The following ROBO1 variants were observed in gnomAD, a reference collection of about 807,000 sequenced individuals.
ROBO1 encodes roundabout homolog 1.
In ROBO1, 149 loss-of-function variants were observed where a neutral mutation model predicts 195.9. That is an observed-to-expected ratio of 0.76 (90% CI 0.67 to 0.87). The LOEUF is 0.87. Among genes scored for constraint, ROBO1 ranks in the 40% least tolerant of loss-of-function variants. The probability of loss-of-function intolerance (pLI) is 0.00; values close to 1 mark genes in which losing one functional copy is unlikely to be tolerated. For missense variants in ROBO1, 1,933 were observed against 2,068.3 expected, an observed-to-expected ratio of 0.93 and a Z score of 1.27; for synonymous variants, 816 against 733.2, an observed-to-expected ratio of 1.11 and a Z score of -1.82.
intron 2 of ROBO1, among the ~76,000 whole-genome samples, chr3:79,231,741 T>C (rs907051114): frequency 3.3e-5 from 5 of 152,188 alleles, no homozygotes; most frequent in African/African-American, 1.2e-4. Context: ...TAAATTATTC[T>C]ATTATAAAGA....
At chr3:79,535,873 C>G (rs565535658) in intron 2 of ROBO1, among the ~76,000 whole-genome samples, 5 of 152,078 alleles carry the variant, frequency 3.3e-5, no homozygotes, top group African/African-American at 1.2e-4. Flanking sequence ...TGAGGATTTT[C>G]TTCAAGAGGT....
chr3:79,259,473 A>G (rs932147168), intron 2 of ROBO1, among the ~76,000 whole-genome samples: 1 of 152,024 alleles, frequency 6.6e-6, no homozygotes, highest in African/African-American at 2.4e-5. Flanking sequence ...TAAAATGTAC[A>G]ATTAAGTTAT....
intron 4 of ROBO1, among the ~76,000 whole-genome samples, chr3:78,886,266 A>G (rs2036565866): frequency 6.6e-6 from 1 of 152,084 alleles, no homozygotes; most frequent in Non-Finnish European, 1.5e-5. Flanking sequence ...TCAATTTCAT[A>G]TATCGCCAAC....
rs1453948886 is a variant in ROBO1 at position 79,589,846 on chromosome 3, C to G, written c.66G>C (p.Leu22=). Residue 22 remains leucine (L), a synonymous_variant, in exon 2 of 31, where the codon CTG becomes CTC. Coordinates refer to ENST00000464233, the MANE Select transcript of ROBO1 (RefSeq NM_002941.4). ...ISLLSLSPNH[L]FLAQLIPDPE... ...TACCTGGAATAAGCTGGGCCAGAAA[C>G]AGGTGATTTGGGGATAAGCTGAGGA... The G allele has an allele frequency of 1.2e-6, 2 of 1,610,826 alleles. No individual in the cohort carries two copies. The highest frequency in any genetic ancestry group is 1.7e-4 in the Middle Eastern group (1 of 6,046).
At chr3:79,098,685 G>A (rs1000265188) in intron 3 of ROBO1, among the ~76,000 whole-genome samples, 1 of 151,830 alleles carries the variant, frequency 6.6e-6, no homozygotes, top group Admixed American at 6.6e-5. Flanking sequence ...GTTTCACATA[G>A]TTGTTAATAC....
At chr3:78,732,751 A>G (rs1364848110) in intron 5 of ROBO1, among the ~76,000 whole-genome samples, 1 of 152,120 alleles carries the variant, frequency 6.6e-6, no homozygotes, top group African/African-American at 2.4e-5. Flanking sequence ...TATCCACTCA[A>G]AGAGACAAAT....
rs548476115 is a variant in ROBO1, at chr3:78,640,491, G to T, written c.2883-593C>A. On this transcript the variant is annotated intron_variant, in intron 21 of 30. Coordinates refer to ENST00000464233, the MANE Select transcript of ROBO1 (RefSeq NM_002941.4). ...GTAAGCTTGTCAACATTTTCTGATGGTGACAATGTAAAATGTCATAAATCC... is the reference window on the plus strand; with the variant it reads ...GTAAGCTTGTCAACATTTTCTGATGTTGACAATGTAAAATGTCATAAATCC... 2.6e-5 allele frequency among the ~76,000 whole-genome samples: 4 copies of T among 152,288 alleles called. No homozygotes were observed. The East Asian group carries it at 7.7e-4, about 29-fold the overall frequency.
At chr3:78,731,277 G>A (rs1040231410) in intron 5 of ROBO1, among the ~76,000 whole-genome samples, 10 of 151,970 alleles carry the variant, frequency 6.6e-5, no homozygotes, top group African/African-American at 1.4e-4. Flanking sequence ...TCTAACCTAC[G>A]TCTAGGATAT....
intron 3 of ROBO1, chr3:79,018,850 G>C: frequency 9.9e-7 from 1 of 1,005,898 alleles, no homozygotes; most frequent in Non-Finnish European, 1.2e-6. Flanking sequence ...GCGAGGGCAG[G>C]CGCGGCGGCG....
chr3:78,952,838 T>C (rs1189052189), intron 3 of ROBO1, among the ~76,000 whole-genome samples: 1 of 152,034 alleles, frequency 6.6e-6, no homozygotes, highest in African/African-American at 2.4e-5. Context: ...GTCTCTTGAT[T>C]ATAAACTTCT....
At chr3:79,406,538 G>A (rs1186648413) in intron 2 of ROBO1, among the ~76,000 whole-genome samples, 2 of 151,960 alleles carry the variant, frequency 1.3e-5, no homozygotes, top group African/African-American at 2.4e-5. Flanking sequence ...GTTTTGTCAA[G>A]CCTATAGGGA....
chr3:79,685,982 T>C lies in ROBO1; in HGVS notation c.-51+81770A>G, dbSNP rs530463554. ...AATGCAAAAATCCTCAATAAAATAC[T>C]GGCAAACTGAATCCAGCAGCACATC... is the stretch of plus-strand genomic sequence containing the variant. On this transcript the variant is annotated intron_variant, in intron 1 of 30. Transcript: ENST00000464233. Among the ~76,000 whole-genome samples the C allele has an allele frequency of 7.2e-5, 11 of 152,272 alleles. No individual in the cohort carries two copies. In the East Asian group the frequency reaches 2.1e-3, roughly 29 times the overall value.
intron 2 of ROBO1, among the ~76,000 whole-genome samples, chr3:79,303,184 G>A (rs1452601796): frequency 4.5e-5 from 1 of 22,324 alleles, no homozygotes; most frequent in East Asian, 1.3e-3. Context: ...TTTTTTTTTT[G>A]GAGATGGAGT....
intron 4 of ROBO1, among the ~76,000 whole-genome samples, chr3:78,869,867 T>C (rs2035444195): frequency 6.6e-6 from 1 of 152,232 alleles, no homozygotes; most frequent in South Asian, 2.1e-4. Context: ...AATTAATAAA[T>C]GTAAACCAGT....
intron 2 of ROBO1, among the ~76,000 whole-genome samples, chr3:79,265,911 GAT>G (rs964031371): frequency 3.3e-5 from 5 of 151,236 alleles, no homozygotes; most frequent in African/African-American, 1.2e-4. Context: ...TTTTATGAAT[GAT>G]ATAACAAAAT....
intron 5 of ROBO1, among the ~76,000 whole-genome samples, chr3:78,740,322 C>T (rs1413918676): frequency 6.6e-6 from 1 of 151,140 alleles, no homozygotes; most frequent in African/African-American, 2.4e-5. Flanking sequence ...TATGCAATAG[C>T]TATTGTTATT....
At chr3:78,817,309 T>G (rs1016248256) in intron 4 of ROBO1, among the ~76,000 whole-genome samples, 1 of 152,232 alleles carries the variant, frequency 6.6e-6, no homozygotes, top group Non-Finnish European at 1.5e-5. Context: ...AGATGATTGT[T>G]TGCATTTTTT....
intron 3 of ROBO1, among the ~76,000 whole-genome samples, chr3:78,971,851 C>T (rs781621684): frequency 7.2e-5 from 11 of 152,096 alleles, no homozygotes; most frequent in Non-Finnish European, 1.6e-4. Flanking sequence ...CTACAACCTT[C>T]GCCTCCTGGG....
chr3:78,983,193 A>G (rs767345655), intron 3 of ROBO1, among the ~76,000 whole-genome samples: 4 of 152,216 alleles, frequency 2.6e-5, no homozygotes, highest in Non-Finnish European at 4.4e-5. Flanking sequence ...GGTCACTGGG[A>G]AAGGTTTTAA....
Sources: allele counts gnomAD v4.1 joint callset (sites outside exome capture counted in the v4.1 genomes callset), GRCh38; gene constraint gnomAD v4.1.1; transcripts MANE v1.5; gene names NCBI Gene and HGNC (gene_info 2026-07-23, HGNC 2026-07-21).